The following RELCH variants were observed in gnomAD, a reference collection of about 807,000 sequenced individuals.
RELCH encodes the protein RAB11 binding and LisH domain, coiled-coil and HEAT repeat containing.
Under a neutral mutation model 150.3 loss-of-function variants are expected in RELCH, and 41 were observed. The ratio of observed to expected loss-of-function variants is 0.27; its 90% confidence interval spans 0.21 to 0.35. The LOEUF (loss-of-function observed/expected upper bound fraction) is 0.35, where lower values mean the gene tolerates loss of function less well. RELCH is among the 10% of genes least tolerant of loss of function. RELCH has a pLI of 1.00. For missense variants in RELCH, 1,092 were observed against 1,467.8 expected, an observed-to-expected ratio of 0.74 and a Z score of 4.18; for synonymous variants, 478 against 531.8, an observed-to-expected ratio of 0.90 and a Z score of 1.39.
intron 26 of RELCH, among the ~76,000 whole-genome samples, chr18:62,289,600 G>A (rs571211823): frequency 1.3e-5 from 2 of 152,274 alleles, no homozygotes; most frequent in South Asian, 4.1e-4. Context: ...AACAAGCAGA[G>A]ATAACAGAGG....
intron 1 of RELCH, among the ~76,000 whole-genome samples, chr18:62,192,916 A>C (rs2148178647): frequency 6.6e-6 from 1 of 152,318 alleles, no homozygotes; most frequent in Admixed American, 6.5e-5. Flanking sequence ...TAATTCTATG[A>C]AGAATGTCAA....
chr18:62,262,065 T>G (rs2043300605), intron 16 of RELCH, among the ~76,000 whole-genome samples: 1 of 152,108 alleles, frequency 6.6e-6, no homozygotes, highest in Non-Finnish European at 1.5e-5. Context: ...TAATTTTATT[T>G]TTAATAGAGG....
rs1007721687 is a variant in RELCH, at chr18:62,282,794, A to G, written c.3253+350A>G. 1.3e-5 allele frequency among the ~76,000 whole-genome samples: 2 copies of G among 152,118 alleles called. 1 individual carries two copies. The highest frequency in any genetic ancestry group is 4.1e-4 in the South Asian group (2 of 4,834). On this transcript the variant is annotated intron_variant, in intron 25 of 28. Transcript: ENST00000644646. ...TGCCTCAGCCTCCCAAGTAGTTGGG[A>G]TTACAGGTGCCCACCACCATGCCCG...
Position 62,264,794 on chromosome 18 carries a change from T to C in RELCH, c.2573T>C (p.Phe858Ser). 1.2e-6 allele frequency: 2 copies of C among 1,609,672 alleles called. No individual in the cohort carries two copies. Among genetic ancestry groups the C allele is most frequent in the African/African-American group, 2.7e-5 (2 of 74,846 alleles). ...ACTTCAACTGCCTGTGTCCATGAAT[T>C]CTCCAGATTTTTCTGGCGCCTTTGC... ...NVTSTACVHE[F>S]SRFFWRLCRT... Residue 858 changes from phenylalanine to serine, a missense_variant, in exon 18 of 29, where the codon TTC (phenylalanine) becomes TCC (serine). Phe to Ser is a radical substitution (Grantham distance 155). This residue lies in a region of RELCH where 707 missense variants were observed against 1,025.4 expected (regional missense o/e 0.69). Coordinates refer to ENST00000644646, the MANE Select transcript of RELCH (RefSeq NM_001346231.2).
chr18:62,192,715 T>C (rs1181724755), intron 1 of RELCH, among the ~76,000 whole-genome samples: 1 of 152,184 alleles, frequency 6.6e-6, no homozygotes, highest in Non-Finnish European at 1.5e-5. Context: ...GTCTTATTTC[T>C]GAATGCTCTC....
chr18:62,244,225 C>T (rs1002099922), intron 10 of RELCH, among the ~76,000 whole-genome samples: 3 of 152,072 alleles, frequency 2.0e-5, no homozygotes, highest in Admixed American at 1.3e-4. Flanking sequence ...AATATTTCTA[C>T]TGATACTGAG....
rs1221040976 is a variant in RELCH at position 62,264,130 on chromosome 18, G to A, written c.2492G>A (p.Trp831Ter). The A allele has an allele frequency of 6.3e-7, 1 of 1,598,228 alleles. No homozygotes were observed. Among genetic ancestry groups the A allele is most frequent in the Non-Finnish European group, 8.5e-7 (1 of 1,173,820 alleles). The stretch of plus-strand genomic sequence containing the variant: ...ACAACAGGCTGGGAGAGTTTACTGT[G>A]GGTTGTCAATCAATTGTAAGTTACC... Reference protein sequence around the residue: ...EGTTGWESLLWVVNQLLPQLI... With the variant: ...EGTTGWESLL The change falls in exon 17 of 29, where the codon TGG (tryptophan) becomes TAG (stop). Residue 831 changes from tryptophan to a stop codon, truncating the protein, a stop_gained. Coordinates refer to ENST00000644646, the MANE Select transcript of RELCH (RefSeq NM_001346231.2). LOFTEE classifies it high-confidence loss of function.
intron 10 of RELCH, among the ~76,000 whole-genome samples, chr18:62,236,441 G>T (rs747530504): frequency 2.0e-5 from 3 of 151,712 alleles, no homozygotes; most frequent in Non-Finnish European, 4.4e-5. Flanking sequence ...TTGGTATTTG[G>T]TATTGGTTTT....
intron 1 of RELCH, among the ~76,000 whole-genome samples, chr18:62,201,011 T>C (rs2039403681): frequency 7.0e-6 from 1 of 142,338 alleles, no homozygotes; most frequent in Non-Finnish European, 1.5e-5. Context: ...ACTAGCTCTG[T>C]TGCCCAGGCT....
chr18:62,236,585 G>T (rs1038929669), intron 10 of RELCH, among the ~76,000 whole-genome samples: 2 of 151,692 alleles, frequency 1.3e-5, no homozygotes, highest in African/African-American at 4.8e-5. Flanking sequence ...ATTTCATCTT[G>T]ATTATCTGAT....
Position 62,307,356 on chromosome 18 carries a change from A to G in RELCH, c.*1822A>G, listed in dbSNP as rs1426792157. Reference sequence around the variant, plus strand: ...TTTAAACTCTGATTTGCTTCAAACTATAGTAGAATATGTGTATGTTTGTTA... The same window carrying G: ...TTTAAACTCTGATTTGCTTCAAACTGTAGTAGAATATGTGTATGTTTGTTA... On this transcript the variant is annotated 3_prime_UTR_variant, in exon 29 of 29. Coordinates refer to ENST00000644646, the MANE Select transcript of RELCH (RefSeq NM_001346231.2). 2.6e-5 allele frequency: 4 copies of G among 152,130 alleles called. No homozygotes were observed. Among genetic ancestry groups the G allele is most frequent in the South Asian group, 2.1e-4 (1 of 4,834 alleles). The allele number at this position is 152,130 out of a possible 1,614,324, so 9.4% of individuals were successfully genotyped here.
chr18:62,258,710 A>C (rs757614254), intron 15 of RELCH, 34 bp downstream of exon 15: 1 of 1,469,600 alleles, frequency 6.8e-7, no homozygotes, highest in South Asian at 1.3e-5. Context: ...AGTTTGTAGA[A>C]ACTTAAAAGG....
At chr18:62,232,815 G>A (rs976538147) in intron 10 of RELCH, among the ~76,000 whole-genome samples, 9 of 151,844 alleles carry the variant, frequency 5.9e-5, no homozygotes, top group African/African-American at 2.2e-4. Flanking sequence ...AAATTAACAG[G>A]GATGAATAAT....
At chr18:62,194,365 C>T (rs2038875228) in intron 1 of RELCH, among the ~76,000 whole-genome samples, 1 of 152,156 alleles carries the variant, frequency 6.6e-6, no homozygotes, top group Non-Finnish European at 1.5e-5. Context: ...AAACATTTGC[C>T]TACCCCAGAG....
At chr18:62,269,331 T>G in intron 20 of RELCH, 1 of 373,798 alleles carries the variant, frequency 2.7e-6, no homozygotes, top group Non-Finnish European at 5.2e-6. Flanking sequence ...CTAAGTACTT[T>G]TTAATAAGGC....
chr18:62,299,339 A>G (rs2045561961), intron 28 of RELCH, among the ~76,000 whole-genome samples: 1 of 152,228 alleles, frequency 6.6e-6, no homozygotes, highest in Non-Finnish European at 1.5e-5. Flanking sequence ...GTGAAAGAGT[A>G]TTATAACGTT....
intron 10 of RELCH, among the ~76,000 whole-genome samples, chr18:62,238,079 G>A (rs553174946): frequency 6.6e-5 from 10 of 151,846 alleles, no homozygotes; most frequent in Middle Eastern, 6.8e-3. Context: ...GAATTATGGC[G>A]TGCTATCTAT....
chr18:62,250,530 C>G (rs1237624278), intron 11 of RELCH, among the ~76,000 whole-genome samples: 1 of 152,100 alleles, frequency 6.6e-6, no homozygotes, highest in East Asian at 1.9e-4. Flanking sequence ...ACTTTATTTG[C>G]CTTCCTAAAG....
intron 19 of RELCH, among the ~76,000 whole-genome samples, chr18:62,268,079 C>T (rs543346933): frequency 6.6e-6 from 1 of 151,770 alleles, no homozygotes; most frequent in African/African-American, 2.4e-5. Flanking sequence ...TATGTAGTAC[C>T]CTCAGAAAAT....
Sources: gnomAD v4.1 joint callset for allele counts (sites outside exome capture counted in the v4.1 genomes callset) on GRCh38, gnomAD v4.1.1 for gene constraint, gnomAD v4.1.1 regional missense constraint, MANE v1.5 for transcripts, NCBI Gene and HGNC (gene_info 2026-07-23, HGNC 2026-07-21) for gene names.